Variants in POLR3B observed in about 807,000 individuals in gnomAD.
The protein encoded by POLR3B is RNA polymerase III subunit B.
Under a neutral mutation model 147.4 loss-of-function variants are expected in POLR3B, and 96 were observed. That is an observed-to-expected ratio of 0.65 (90% CI 0.55 to 0.77). The LOEUF is 0.77. Among genes scored for constraint, POLR3B ranks in the 30% least tolerant of loss-of-function variants. POLR3B has a pLI of 0.00. For missense variants in POLR3B, 1,036 were observed against 1,413.5 expected (o/e 0.73, Z 4.28); for synonymous variants, 461 against 485.9 (o/e 0.95, Z 0.67).
In POLR3B at chr12:106,434,569, C is replaced by T. The variant is rs189712494; in HGVS notation, c.1781+697C>T. On this transcript the variant is annotated intron_variant, in intron 16 of 27. Coordinates refer to ENST00000228347, the MANE Select transcript of POLR3B (RefSeq NM_018082.6). ...ATTGTGCACAGGTACTATCTAGGAG[C>T]CGGAGGTACAGAGACGAATGTGACA... 2.0e-3 allele frequency among the ~76,000 whole-genome samples: 303 copies of T among 151,232 alleles called. 3 individuals are homozygous for T. Among genetic ancestry groups the T allele is most frequent in the Admixed American group, 5.6e-3 (85 of 15,082 alleles).
chr12:106,370,301 A>G (rs1593002063), intron 6 of POLR3B, among the ~76,000 whole-genome samples: 1 of 152,322 alleles, frequency 6.6e-6, no homozygotes, highest in Non-Finnish European at 1.5e-5. Flanking sequence ...TTCAATAAAT[A>G]TATACCAACT....
At chr12:106,467,723 G>C (rs2038025778) in intron 23 of POLR3B, among the ~76,000 whole-genome samples, 2 of 152,162 alleles carry the variant, frequency 1.3e-5, no homozygotes, top group Admixed American at 1.3e-4. Flanking sequence ...TGTGGTTTTT[G>C]TCATTGGATC....
At chr12:106,362,397 C>T (rs566610802) in intron 1 of POLR3B, among the ~76,000 whole-genome samples, 3 of 152,268 alleles carry the variant, frequency 2.0e-5, no homozygotes, top group African/African-American at 4.8e-5. Context: ...GCTTAAACAA[C>T]AGAAATTTGT....
At chr12:106,417,892 G>T (rs1279418058) in intron 12 of POLR3B, among the ~76,000 whole-genome samples, 1 of 152,182 alleles carries the variant, frequency 6.6e-6, no homozygotes, top group East Asian at 1.9e-4. Context: ...AAGGAGAGCT[G>T]ATCCTGTTGC....
At position 106,468,661 on chromosome 12, in the gene POLR3B, T is replaced by A. The variant is rs565937079; in HGVS notation, c.2713+5041T>A. ...TGTTGTGTCTATGTTCTCATTGGTT[T>A]CAAAGAACATCTTTATTTCTGCCTT... On this transcript the variant is annotated intron_variant, in intron 23 of 27. Coordinates refer to ENST00000228347, the MANE Select transcript of POLR3B (RefSeq NM_018082.6). Among the ~76,000 whole-genome samples the A allele has an allele frequency of 1.2e-3, 183 of 152,334 alleles. 1 individual carries two copies. Among genetic ancestry groups the A allele is most frequent in the Non-Finnish European group, 2.2e-3 (149 of 68,026 alleles).
intron 12 of POLR3B, among the ~76,000 whole-genome samples, chr12:106,426,400 G>A (rs546180531): frequency 5.3e-4 from 81 of 152,152 alleles, no homozygotes; most frequent in African/African-American, 1.8e-3. Flanking sequence ...ACAGGCACCC[G>A]CCACCAGACC....
At chr12:106,449,103 A>G (rs754371638) in intron 19 of POLR3B, among the ~76,000 whole-genome samples, 1 of 152,212 alleles carries the variant, frequency 6.6e-6, no homozygotes, top group Non-Finnish European at 1.5e-5. Context: ...ATTTGCATAT[A>G]CATAATAAGA....
At chr12:106,421,772 T>C (rs1227883092) in intron 12 of POLR3B, among the ~76,000 whole-genome samples, 1 of 152,150 alleles carries the variant, frequency 6.6e-6, no homozygotes, top group Admixed American at 6.5e-5. Flanking sequence ...TGATCTCTAC[T>C]CACTGCAACC....
At chr12:106,416,718 A>G (rs2037308263) in intron 12 of POLR3B, among the ~76,000 whole-genome samples, 1 of 152,178 alleles carries the variant, frequency 6.6e-6, no homozygotes, top group African/African-American at 2.4e-5. Context: ...AAACTCCTCC[A>G]TGGAATTCAT....
chr12:106,487,875 A>AAC (rs2038361428), intron 23 of POLR3B, among the ~76,000 whole-genome samples: 1 of 152,228 alleles, frequency 6.6e-6, no homozygotes, highest in Admixed American at 6.5e-5. Context: ...TAAGCGAGTC[A>AAC]ATACTGAGTA....
At chr12:106,376,335 T>G in intron 6 of POLR3B, 24 bp from the exon 7 acceptor site, 1 of 1,530,748 alleles carries the variant, frequency 6.5e-7, no homozygotes, top group Non-Finnish European at 9.0e-7. Context: ...CATGTGATAT[T>G]TTCTTTTGTT....
At position 106,357,836 on chromosome 12, in the gene POLR3B, C is replaced by T. The variant is rs779265499; in HGVS notation, c.-44C>T. On this transcript the variant is annotated 5_prime_UTR_variant, in exon 1 of 28. Transcript: ENST00000228347. ...TGCAGTTTGCTTGGTGCAGGGAAGG[C>T]GGGCGCGGAGGTTCTATCTGTTTCT... 6.3e-7 allele frequency: 1 copy of T among 1,583,312 alleles called. No individual in the cohort carries two copies. Among genetic ancestry groups the T allele is most frequent in the South Asian group, 1.1e-5 (1 of 88,568 alleles).
At chr12:106,447,565 A>G (rs994953534) in intron 19 of POLR3B, among the ~76,000 whole-genome samples, 7 of 152,060 alleles carry the variant, frequency 4.6e-5, no homozygotes, top group Non-Finnish European at 8.8e-5. Flanking sequence ...TCTCCAGGTC[A>G]CTCGCTCAGC....
chr12:106,464,437 A>G (rs1044602556), intron 23 of POLR3B, among the ~76,000 whole-genome samples: 2 of 152,102 alleles, frequency 1.3e-5, no homozygotes, highest in Non-Finnish European at 2.9e-5. Context: ...TCCATATTTT[A>G]TAGATAAGGA....
At chr12:106,508,154 G>A (rs1459687255) in intron 27 of POLR3B, among the ~76,000 whole-genome samples, 1 of 152,162 alleles carries the variant, frequency 6.6e-6, no homozygotes, top group Non-Finnish European at 1.5e-5. Context: ...GTCCACAACA[G>A]CAGGTCTAAT....
Position 106,509,435 on chromosome 12 carries a change from G to A in POLR3B, c.3288G>A (p.Lys1096=). 1.9e-6 allele frequency: 3 copies of A among 1,613,892 alleles called. No homozygotes were observed. Among genetic ancestry groups the A allele is most frequent in the Non-Finnish European group, 2.5e-6 (3 of 1,179,824 alleles). ...LGYSGWCHYC[K]SSCHVSSLRI... is the part of the protein sequence containing the mutation. ...TGCGTTTCAGGTGCCATTACTGCAAGTCATCCTGCCACGTGTCTTCCCTCC... is the reference window on the plus strand; with the variant it reads ...TGCGTTTCAGGTGCCATTACTGCAAATCATCCTGCCACGTGTCTTCCCTCC... Residue 1096 remains lysine (K), a synonymous_variant, in exon 28 of 28, where the codon AAG becomes AAA. Transcript: ENST00000228347.
At chr12:106,358,266 G>C (rs912150225) in intron 1 of POLR3B, 1 of 1,314,242 alleles carries the variant, frequency 7.6e-7, no homozygotes, top group African/African-American at 1.5e-5. Flanking sequence ...TGTGGGGGAC[G>C]TATTGCATGT....
intron 19 of POLR3B, among the ~76,000 whole-genome samples, chr12:106,445,092 G>T (rs1168334351): frequency 6.6e-6 from 1 of 152,154 alleles, no homozygotes; most frequent in Non-Finnish European, 1.5e-5. Flanking sequence ...ATGTCACACT[G>T]ATTTCTGAGT....
chr12:106,469,715 G>C (rs1478691778), intron 23 of POLR3B, among the ~76,000 whole-genome samples: 4 of 152,122 alleles, frequency 2.6e-5, no homozygotes, highest in Non-Finnish European at 2.9e-5. Flanking sequence ...ATGAAGCTTA[G>C]TTTGGCTGGA....
Sources: allele counts gnomAD v4.1 joint callset (sites outside exome capture counted in the v4.1 genomes callset), GRCh38; gene constraint gnomAD v4.1.1; transcripts MANE v1.5; gene names NCBI Gene and HGNC (gene_info 2026-07-23, HGNC 2026-07-21).